Variants in SLC4A10 observed in about 807,000 individuals in gnomAD.
SLC4A10 encodes sodium-driven chloride bicarbonate exchanger.
In SLC4A10, 42 loss-of-function variants were observed where a neutral mutation model predicts 137.7. The ratio of observed to expected loss-of-function variants is 0.30; its 90% CI spans 0.24 to 0.39. SLC4A10 has a LOEUF of 0.39. Ranked by LOEUF, SLC4A10 falls within the 10% of genes least tolerant of loss-of-function variation. The pLI, the probability that SLC4A10 is intolerant of heterozygous loss-of-function variation, is 1.00. For synonymous variants in SLC4A10, 474 were observed against 464.1 expected, an observed-to-expected ratio of 1.02 and a Z score of -0.27; for missense variants, 925 against 1,355.0, an observed-to-expected ratio of 0.68 and a Z score of 4.98.
intron 1 of SLC4A10, among the ~76,000 whole-genome samples, chr2:161,714,328 G>T (rs1254647786): frequency 6.6e-6 from 1 of 151,828 alleles, no homozygotes; most frequent in African/African-American, 2.4e-5. Flanking sequence ...ATATCATTGG[G>T]CTTCAAGTTG....
At chr2:161,723,248 G>GTAGTGTGGTTTAC (rs1335232395) in intron 1 of SLC4A10, among the ~76,000 whole-genome samples, 1 of 152,136 alleles carries the variant, frequency 6.6e-6, no homozygotes, top group Non-Finnish European at 1.5e-5. Context: ...GGTTTACCAG[G>GTAGTGTGGTTTAC]CAGGTACTAC....
intron 15 of SLC4A10, among the ~76,000 whole-genome samples, chr2:161,909,369 A>G (rs919955120): frequency 6.6e-6 from 1 of 152,176 alleles, no homozygotes; most frequent in African/African-American, 2.4e-5. Context: ...TCTAAAACCT[A>G]ATTCTTTCAA....
At chr2:161,661,952 T>C (rs770615867) in intron 1 of SLC4A10, among the ~76,000 whole-genome samples, 29 of 152,286 alleles carry the variant, frequency 1.9e-4, no homozygotes, top group Non-Finnish European at 3.5e-4. Context: ...CCTCATACCT[T>C]GTACTTTGAA....
chr2:161,847,682 T>C (rs904044960), intron 4 of SLC4A10, among the ~76,000 whole-genome samples: 1 of 152,160 alleles, frequency 6.6e-6, no homozygotes, highest in Non-Finnish European at 1.5e-5. Context: ...TCTAGCTCTA[T>C]TCATGTTGCT....
intron 12 of SLC4A10, among the ~76,000 whole-genome samples, chr2:161,901,676 C>A (rs568317037): frequency 1.4e-4 from 21 of 152,160 alleles, no homozygotes; most frequent in Admixed American, 2.0e-4. Flanking sequence ...CTCCCCTCCC[C>A]TCAAGGCCAT....
chr2:161,642,063 T>C (rs571809627), intron 1 of SLC4A10, among the ~76,000 whole-genome samples: 23 of 152,136 alleles, frequency 1.5e-4, no homozygotes, highest in African/African-American at 5.5e-4. Context: ...CCTAGCAATA[T>C]AATTCAGTAT....
chr2:161,685,888 T>A (rs1177831686), intron 1 of SLC4A10, among the ~76,000 whole-genome samples: 1 of 152,184 alleles, frequency 6.6e-6, no homozygotes, highest in Non-Finnish European at 1.5e-5. Context: ...ACTGGAGATT[T>A]TGTACTATAA....
intron 1 of SLC4A10, among the ~76,000 whole-genome samples, chr2:161,754,791 A>G (rs1348402696): frequency 6.6e-6 from 1 of 152,210 alleles, no homozygotes; most frequent in African/African-American, 2.4e-5. Context: ...ACTTTCATGC[A>G]TATAATTTTT....
At chr2:161,635,216 G>A (rs1362744544) in intron 1 of SLC4A10, among the ~76,000 whole-genome samples, 1 of 151,862 alleles carries the variant, frequency 6.6e-6, no homozygotes, top group African/African-American at 2.4e-5. Context: ...GCCAAATCAG[G>A]ACTTTAAGGT....
intron 4 of SLC4A10, among the ~76,000 whole-genome samples, chr2:161,847,101 A>G (rs532769190): frequency 1.3e-5 from 2 of 149,288 alleles, no homozygotes; most frequent in Admixed American, 6.7e-5. Context: ...AAAAAAAGCC[A>G]GACATAGTAC....
chr2:161,698,135 T>C (rs1034336502), intron 1 of SLC4A10, among the ~76,000 whole-genome samples: 1 of 152,218 alleles, frequency 6.6e-6, no homozygotes, highest in African/African-American at 2.4e-5. Context: ...TAAGAATGCT[T>C]GTGATTTTTC....
intron 4 of SLC4A10, among the ~76,000 whole-genome samples, chr2:161,851,397 T>C (rs192670070): frequency 2.0e-4 from 30 of 152,332 alleles, no homozygotes; most frequent in African/African-American, 6.0e-4. Context: ...GGTGTTCCAG[T>C]ATTGGGTGCA....
intron 15 of SLC4A10, among the ~76,000 whole-genome samples, chr2:161,926,884 G>A (rs1382623307): frequency 5.4e-4 from 81 of 151,356 alleles, no homozygotes; most frequent in South Asian, 4.8e-3. Context: ...TTGAATATTG[G>A]CCCCCACTCT....
chr2:161,882,470 A>G, intron 10 of SLC4A10, 26 bp downstream of exon 10: 1 of 1,484,898 alleles, frequency 6.7e-7, no homozygotes. Context: ...CTTTGGGAAC[A>G]TTTTCCCCCA....
At chr2:161,944,847 G>A (rs1013423455) in intron 16 of SLC4A10, among the ~76,000 whole-genome samples, 2 of 151,316 alleles carry the variant, frequency 1.3e-5, no homozygotes, top group African/African-American at 2.4e-5. Context: ...TATTCATAAT[G>A]TCATCAAAAA....
Position 161,930,608 on chromosome 2 carries a change from T to C in SLC4A10, c.1998-12184T>C, listed in dbSNP as rs1382004986. 2.0e-5 allele frequency among the ~76,000 whole-genome samples: 3 copies of C among 151,452 alleles called. No homozygotes were observed. In the East Asian group the frequency reaches 5.8e-4, roughly 29 times the overall value. On this transcript the variant is annotated intron_variant, in intron 15 of 26. Coordinates refer to ENST00000446997, the MANE Select transcript of SLC4A10 (RefSeq NM_001178015.2). ...TCATAGAAACTCAGGGGTTGGGTGATTTGCTAAGATCAATAGCTAGAAAGG... is the reference window on the plus strand; with the variant it reads ...TCATAGAAACTCAGGGGTTGGGTGACTTGCTAAGATCAATAGCTAGAAAGG...
intron 6 of SLC4A10, among the ~76,000 whole-genome samples, chr2:161,869,252 G>T (rs959101878): frequency 5.3e-5 from 8 of 151,528 alleles, no homozygotes; most frequent in African/African-American, 1.9e-4. Context: ...ACATCAGCAA[G>T]AAAATAAGAG....
chr2:161,765,482 C>G (rs905100060), intron 1 of SLC4A10, among the ~76,000 whole-genome samples: 3 of 151,838 alleles, frequency 2.0e-5, no homozygotes, highest in African/African-American at 4.8e-5. Context: ...TGGTGCATGC[C>G]TCTAAGCCCA....
At chr2:161,835,743 G>A (rs902841279) in intron 3 of SLC4A10, among the ~76,000 whole-genome samples, 30 of 152,202 alleles carry the variant, frequency 2.0e-4, no homozygotes, top group African/African-American at 6.5e-4. Context: ...GTCCAAGGAA[G>A]AGACTGTGCA....
Sources: gnomAD v4.1 joint callset for allele counts (sites outside exome capture counted in the v4.1 genomes callset) on GRCh38, gnomAD v4.1.1 for gene constraint, MANE v1.5 for transcripts, NCBI Gene and HGNC (gene_info 2026-07-23, HGNC 2026-07-21) for gene names.